The following HOMER1 variants were observed in gnomAD, a reference collection of about 807,000 sequenced individuals.
The protein encoded by HOMER1 is homer protein homolog 1.
In HOMER1, 3 loss-of-function variants were observed where a neutral mutation model predicts 48.9. The observed-to-expected ratio is 0.06, with a 90% confidence interval of 0.03 to 0.16. HOMER1 has a LOEUF of 0.16. Ranked by LOEUF, HOMER1 falls within the 10% of genes least tolerant of loss-of-function variation. The probability of loss-of-function intolerance (pLI) is 1.00; values close to 1 mark genes in which losing one functional copy is unlikely to be tolerated. For missense variants in HOMER1, 247 were observed against 411.4 expected (o/e 0.60, Z 3.46); for synonymous variants, 134 against 146.4 (o/e 0.92, Z 0.61).
chr5:79,441,731 A>G (rs1413275310), intron 4 of HOMER1, among the ~76,000 whole-genome samples: 5 of 152,160 alleles, frequency 3.3e-5, no homozygotes, highest in Non-Finnish European at 7.3e-5. Context: ...ACTGATGAGA[A>G]ACAACAAAAA....
chr5:79,468,819 A>T (rs917468691), intron 1 of HOMER1, among the ~76,000 whole-genome samples: 17 of 152,210 alleles, frequency 1.1e-4, no homozygotes, highest in African/African-American at 3.9e-4. Context: ...AACATTTGGT[A>T]ATGTCCACGT....
intron 1 of HOMER1, among the ~76,000 whole-genome samples, chr5:79,485,422 G>C (rs1002559862): frequency 2.0e-5 from 3 of 152,194 alleles, no homozygotes; most frequent in East Asian, 3.8e-4. Context: ...CTAAGCTAAA[G>C]AGTAAGGCAT....
At chr5:79,469,991 A>C (rs1045828467) in intron 1 of HOMER1, among the ~76,000 whole-genome samples, 1 of 152,206 alleles carries the variant, frequency 6.6e-6, no homozygotes, top group African/African-American at 2.4e-5. Context: ...ACCCAAATAC[A>C]TTTTCTGACT....
intron 1 of HOMER1, among the ~76,000 whole-genome samples, chr5:79,501,717 G>T (rs1270527956): frequency 6.6e-6 from 1 of 152,132 alleles, no homozygotes; most frequent in East Asian, 1.9e-4. Context: ...TGCTCTAATG[G>T]TAAGAGCCCC....
At chr5:79,432,964 T>C (rs1029601217) in intron 5 of HOMER1, among the ~76,000 whole-genome samples, 1 of 152,234 alleles carries the variant, frequency 6.6e-6, no homozygotes, top group African/African-American at 2.4e-5. Flanking sequence ...GGAATAATGA[T>C]ATTTAAGTCA....
chr5:79,389,141 CA>C (rs1749186975), intron 8 of HOMER1, among the ~76,000 whole-genome samples: 1 of 151,584 alleles, frequency 6.6e-6, no homozygotes, highest in Non-Finnish European at 1.5e-5. Context: ...TCAGATTTCT[CA>C]AAAGAAATAT....
At chr5:79,487,089 GT>G (rs1410958258) in intron 1 of HOMER1, among the ~76,000 whole-genome samples, 1 of 152,100 alleles carries the variant, frequency 6.6e-6, no homozygotes, top group African/African-American at 2.4e-5. Context: ...AACCATCCTG[GT>G]CAACATGACG....
chr5:79,491,262 T>C (rs1752268416), intron 1 of HOMER1, among the ~76,000 whole-genome samples: 1 of 150,450 alleles, frequency 6.6e-6, no homozygotes, highest in African/African-American at 2.4e-5. Context: ...CAAAACCCCA[T>C]CTCTACAAAA....
At chr5:79,498,563 G>C (rs1752487625) in intron 1 of HOMER1, among the ~76,000 whole-genome samples, 2 of 152,162 alleles carry the variant, frequency 1.3e-5, no homozygotes, top group South Asian at 2.1e-4. Context: ...AATGTTTTTA[G>C]GCAGGATCTC....
chr5:79,510,371 A>G (rs1752907665), intron 1 of HOMER1: 2 of 545,784 alleles, frequency 3.7e-6, no homozygotes, highest in Non-Finnish European at 6.9e-6. Flanking sequence ...CCCCCTTAGT[A>G]TTAAATTCAT....
chr5:79,424,746 T>C (rs1750194932), intron 5 of HOMER1, among the ~76,000 whole-genome samples: 1 of 152,064 alleles, frequency 6.6e-6, no homozygotes, highest in South Asian at 2.1e-4. Context: ...TATGAGTCAG[T>C]TCTACAAAGA....
At chr5:79,432,746 A>C (rs985522580) in intron 5 of HOMER1, among the ~76,000 whole-genome samples, 3 of 152,222 alleles carry the variant, frequency 2.0e-5, no homozygotes, top group Admixed American at 6.5e-5. Context: ...ATTTTAAAAT[A>C]TATAAACTGC....
In HOMER1 at chr5:79,484,295, T is replaced by A. The variant is rs376914146; in HGVS notation, c.6-27277A>T. Among the ~76,000 whole-genome samples the A allele has an allele frequency of 4.1e-4, 62 of 150,838 alleles. No individual in the cohort carries two copies. In the East Asian group the frequency reaches 4.9e-3, roughly 12 times the overall value. On this transcript the variant is annotated intron_variant, in intron 1 of 8. Coordinates refer to ENST00000334082, the MANE Select transcript of HOMER1 (RefSeq NM_004272.5). ...AAATAAATCATAAAAAAACACTCAA[T>A]CTAAAGTAATGCAAAAGAGAAAAGA...
In HOMER1 at chr5:79,388,313, G is replaced by A. The variant is rs1322396821; in HGVS notation, c.876+8510C>T. ...TAAGACCAAAGAAAAACTATTAAAG[G>A]ACATACAATCTTTCTTCTGATTGTC... On this transcript the variant is annotated intron_variant, in intron 8 of 8. Coordinates refer to ENST00000334082, the MANE Select transcript of HOMER1 (RefSeq NM_004272.5). Among the ~76,000 whole-genome samples the A allele has an allele frequency of 2.6e-5, 4 of 152,102 alleles. No individual in the cohort carries two copies. The East Asian group carries it at 5.8e-4, about 22-fold the overall frequency.
intron 1 of HOMER1, chr5:79,511,067 T>G: frequency 7.1e-6 from 2 of 279,726 alleles, no homozygotes; most frequent in Non-Finnish European, 1.3e-5. Context: ...CAGGCATTCA[T>G]GCAGCTTAAA....
intron 1 of HOMER1, chr5:79,510,592 C>A: frequency 1.2e-6 from 1 of 819,510 alleles, no homozygotes; most frequent in Non-Finnish European, 2.1e-6. Context: ...ACAAGAAGGG[C>A]CTAAAGAAGA....
chr5:79,428,969 C>A (rs926246054), intron 5 of HOMER1, among the ~76,000 whole-genome samples: 1 of 152,166 alleles, frequency 6.6e-6, no homozygotes. Context: ...CACTAAAATT[C>A]ATAGGGAAAT....
chr5:79,425,250 GA>G (rs961685375), intron 5 of HOMER1, among the ~76,000 whole-genome samples: 77 of 143,166 alleles, frequency 5.4e-4, no homozygotes, highest in South Asian at 1.1e-3. Context: ...TCCGGAGTAG[GA>G]AAAAAAAAAA....
chr5:79,453,516 A>G (rs897511391), intron 2 of HOMER1, among the ~76,000 whole-genome samples: 1 of 152,192 alleles, frequency 6.6e-6, no homozygotes, highest in Non-Finnish European at 1.5e-5. Context: ...ATGATCCCAC[A>G]CTTTTAAAAA....
Sources: allele counts gnomAD v4.1 joint callset (sites outside exome capture counted in the v4.1 genomes callset), GRCh38; gene constraint gnomAD v4.1.1; transcripts MANE v1.5; gene names NCBI Gene and HGNC (gene_info 2026-07-23, HGNC 2026-07-21).